Variants in DAB1 observed in about 807,000 individuals in gnomAD.
DAB1 encodes disabled homolog 1.
DAB1 carries 15 observed loss-of-function variants against 64.6 expected under a neutral mutation model. That is an observed-to-expected ratio of 0.23 (90% CI 0.16 to 0.36). The LOEUF (loss-of-function observed/expected upper bound fraction) is 0.36, where lower values mean the gene tolerates loss of function less well. Among genes scored for constraint, DAB1 ranks in the 10% least tolerant of loss-of-function variants. DAB1 has a pLI of 1.00. For missense variants in DAB1, 596 were observed against 706.7 expected (o/e 0.84, Z 1.78); for synonymous variants, 235 against 251.9 (o/e 0.93, Z 0.64).
At chr1:57,610,562 A>G (rs1204968524) in intron 7 of DAB1, among the ~76,000 whole-genome samples, 1 of 152,224 alleles carries the variant, frequency 6.6e-6, no homozygotes, top group African/African-American at 2.4e-5. Flanking sequence ...CCCTTCTAAT[A>G]ACAAATACCC....
chr1:58,039,892 T>G (rs1647108308), intron 5 of DAB1, among the ~76,000 whole-genome samples: 1 of 152,234 alleles, frequency 6.6e-6, no homozygotes, highest in South Asian at 2.1e-4. Flanking sequence ...CATGGGAAGA[T>G]TTTAATAACT....
chr1:57,245,216 C>A (rs1668775750), intron 2 of DAB1, among the ~76,000 whole-genome samples: 1 of 152,168 alleles, frequency 6.6e-6, no homozygotes, highest in African/African-American at 2.4e-5. Flanking sequence ...CATTTTGCCC[C>A]TGCCCTAGAA....
chr1:57,333,118 G>A (rs146280079), intron 1 of DAB1, among the ~76,000 whole-genome samples: 6 of 152,218 alleles, frequency 3.9e-5, no homozygotes, highest in South Asian at 2.1e-4. Context: ...CTGATGTCCC[G>A]CACATCTGTA....
chr1:57,563,376 G>A (rs1001446295), intron 7 of DAB1, among the ~76,000 whole-genome samples: 1 of 152,162 alleles, frequency 6.6e-6, no homozygotes, highest in Non-Finnish European at 1.5e-5. Flanking sequence ...CGCAGAAGAC[G>A]GGTGATTTCT....
intron 1 of DAB1, among the ~76,000 whole-genome samples, chr1:57,368,967 G>A (rs1465924298): frequency 6.6e-6 from 1 of 152,146 alleles, no homozygotes; most frequent in Non-Finnish European, 1.5e-5. Flanking sequence ...CATAAATCAA[G>A]GTGGGATTCA....
chr1:57,190,554 A>G (rs2101001178), intron 2 of DAB1, among the ~76,000 whole-genome samples: 1 of 152,322 alleles, frequency 6.6e-6, no homozygotes, highest in East Asian at 1.9e-4. Flanking sequence ...GTTCAGGTGA[A>G]TATCAGGAAG....
intron 5 of DAB1, among the ~76,000 whole-genome samples, chr1:58,126,605 C>A (rs1164338601): frequency 1.1e-4 from 17 of 150,074 alleles, no homozygotes; most frequent in African/African-American, 3.0e-4. Context: ...ATCCCTCCCC[C>A]CCTACCCCCC....
At chr1:57,555,638 G>T (rs1170476419) in intron 7 of DAB1, among the ~76,000 whole-genome samples, 1 of 152,114 alleles carries the variant, frequency 6.6e-6, no homozygotes, top group African/African-American at 2.4e-5. Flanking sequence ...AAAAGCCATG[G>T]CTCTTGCTCT....
At chr1:58,090,912 A>C (rs1173224785) in intron 5 of DAB1, among the ~76,000 whole-genome samples, 1 of 152,210 alleles carries the variant, frequency 6.6e-6, no homozygotes, top group Non-Finnish European at 1.5e-5. Context: ...CGAGTTCTCT[A>C]GGAAAGAGAC....
intron 1 of DAB1, among the ~76,000 whole-genome samples, chr1:57,379,356 G>A (rs1347933811): frequency 6.6e-6 from 1 of 152,208 alleles, no homozygotes; most frequent in South Asian, 2.1e-4. Context: ...ATTTGGAACT[G>A]TGAAGCCATA....
In DAB1 at chr1:57,638,699, G is replaced by C. The variant is rs114220434; in HGVS notation, n.625+10893C>G. Among the ~76,000 whole-genome samples the C allele has an allele frequency of 7.8e-3, 1,183 of 152,316 alleles. 14 individuals carry two copies. Among genetic ancestry groups the C allele is most frequent in the African/African-American group, 0.027 (1,107 of 41,572 alleles). ...TTCAGAAGACACCAAAGCAGTGAGG[G>C]AAGGGGCTTGAAGAATACGTAGTTC... On this transcript the variant is annotated intron_variant and non_coding_transcript_variant, in intron 7 of 20. Transcript: ENST00000485760.
intron 4 of DAB1, among the ~76,000 whole-genome samples, chr1:58,340,202 A>C (rs1663217535): frequency 1.3e-5 from 2 of 152,178 alleles, no homozygotes; most frequent in Non-Finnish European, 2.9e-5. Context: ...GGATTTCCCA[A>C]CTCCTGCTAT....
intron 3 of DAB1, chr1:58,480,581 CT>C (rs1645463688): frequency 1.2e-5 from 2 of 161,788 alleles, no homozygotes; most frequent in East Asian, 1.8e-4. Context: ...CTGTTTCCCC[CT>C]TCATCATAAC....
At chr1:57,695,299 GGAAA>G (rs763060862) in intron 6 of DAB1, among the ~76,000 whole-genome samples, 676 of 37,266 alleles carry the variant, frequency 0.018, 55 homozygotes, top group Non-Finnish European at 0.03. Context: ...GGAGAGAGAA[GGAAA>G]GAAAGAAAGA....
At chr1:57,525,600 G>A (rs1391677455) in intron 7 of DAB1, among the ~76,000 whole-genome samples, 1 of 152,082 alleles carries the variant, frequency 6.6e-6, no homozygotes, top group Non-Finnish European at 1.5e-5. Context: ...TGAAATAAAC[G>A]TATTGAAAAG....
In DAB1 at chr1:58,300,610, A is replaced by C. The variant is rs28493676; in HGVS notation, n.309+42742T>G. On this transcript the variant is annotated intron_variant and non_coding_transcript_variant, in intron 4 of 20. Transcript: ENST00000485760. ...AAAGAAAGAAAGAAAGAAAGAAAGA[A>C]AGAGAGAGAGAGAGAGAGAGAGAGA... Among the ~76,000 whole-genome samples the C allele has an allele frequency of 1.5e-4, 7 of 47,008 alleles. 1 individual carries two copies. The highest frequency in any genetic ancestry group is 4.1e-4 in the African/African-American group (6 of 14,702). 30.8% of individuals were successfully genotyped at this position (47,008 alleles called of 152,430 possible).
Position 57,639,166 on chromosome 1 carries a change from G to T in DAB1, n.625+10426C>A, listed in dbSNP as rs1236378184. ...ATAACTTTATAAAGTTCTTCATAAAGAACTTTAGTAAATAACTTTATAAAG... is the reference window on the plus strand; with the variant it reads ...ATAACTTTATAAAGTTCTTCATAAATAACTTTAGTAAATAACTTTATAAAG... On this transcript the variant is annotated intron_variant and non_coding_transcript_variant, in intron 7 of 20. Coordinates refer to the DAB1 transcript ENST00000485760. 2.6e-3 allele frequency among the ~76,000 whole-genome samples: 253 copies of T among 98,740 alleles called. 5 individuals are homozygous for T. Among genetic ancestry groups the T allele is most frequent in the African/African-American group, 9.4e-3 (240 of 25,402 alleles). 64.8% of individuals were successfully genotyped at this position (98,740 alleles called of 152,430 possible). A position where few individuals can be genotyped will look rare whatever the true frequency, so the allele number is the denominator to read the frequency against.
chr1:58,406,474 C>T (rs1190148546), intron 3 of DAB1, among the ~76,000 whole-genome samples: 3 of 152,208 alleles, frequency 2.0e-5, no homozygotes, highest in Admixed American at 2.0e-4. Flanking sequence ...TGGGCGTTTC[C>T]GGCCACTTTC....
chr1:58,168,182 AAGAGCTCTCT>A (rs1489763295), intron 4 of DAB1, among the ~76,000 whole-genome samples: 1 of 152,128 alleles, frequency 6.6e-6, no homozygotes, highest in Non-Finnish European at 1.5e-5. Context: ...CTTTCTGGGA[AAGAGCTCTCT>A]AACAATCCCC....
Sources: allele counts gnomAD v4.1 joint callset (sites outside exome capture counted in the v4.1 genomes callset), GRCh38; gene constraint gnomAD v4.1.1; transcripts MANE v1.5; gene names NCBI Gene and HGNC (gene_info 2026-07-23, HGNC 2026-07-21).